CNTNAP2: variants seen among roughly 807,000 people sequenced by gnomAD.
The protein encoded by CNTNAP2 is contactin associated protein 2, also known as contactin-associated protein-like 2.
A neutral mutation model predicts 155.2 loss-of-function variants in CNTNAP2; 98 were observed. The ratio of observed to expected loss-of-function variants is 0.63; its 90% CI spans 0.54 to 0.75. CNTNAP2 has a LOEUF of 0.75. Among genes scored for constraint, CNTNAP2 ranks in the 30% least tolerant of loss-of-function variants. The pLI is 0.00. For synonymous variants in CNTNAP2, 651 were observed against 631.2 expected (o/e 1.03, Z -0.47); for missense variants, 1,727 against 1,688.1 (o/e 1.02, Z -0.40).
chr7:147,244,613 A>G (rs1295948057), intron 8 of CNTNAP2, among the ~76,000 whole-genome samples: 3 of 152,162 alleles, frequency 2.0e-5, no homozygotes, highest in South Asian at 4.1e-4. Flanking sequence ...ATCCACCAGG[A>G]ACTTACATTT....
intron 13 of CNTNAP2, among the ~76,000 whole-genome samples, chr7:147,831,340 G>A (rs777525192): frequency 5.1e-4 from 77 of 152,106 alleles, no homozygotes; most frequent in East Asian, 1.7e-3. Flanking sequence ...CCTTGAAAAC[G>A]CATACACTCT....
intron 13 of CNTNAP2, among the ~76,000 whole-genome samples, chr7:147,753,044 C>T (rs1261506850): frequency 6.6e-6 from 1 of 152,182 alleles, no homozygotes; most frequent in Admixed American, 6.5e-5. Context: ...TTTCTACTCT[C>T]TTATATACCT....
chr7:147,009,430 C>T (rs556053221), intron 3 of CNTNAP2, among the ~76,000 whole-genome samples: 185 of 152,272 alleles, frequency 1.2e-3, no homozygotes, highest in African/African-American at 4.2e-3. Context: ...CGACAGTTTT[C>T]ATCCAGACTT....
intron 13 of CNTNAP2, among the ~76,000 whole-genome samples, chr7:147,895,163 G>A (rs1369711579): frequency 2.0e-5 from 3 of 146,476 alleles, no homozygotes; most frequent in Non-Finnish European, 4.6e-5. Flanking sequence ...TAGTAGAAAC[G>A]GGGTTTCATC....
intron 8 of CNTNAP2, among the ~76,000 whole-genome samples, chr7:147,183,467 A>G (rs976639488): frequency 2.0e-5 from 3 of 152,170 alleles, no homozygotes; most frequent in African/African-American, 4.8e-5. Flanking sequence ...CAACCACTCC[A>G]TGACACAGAT....
chr7:147,265,816 A>C (rs1354877612), intron 8 of CNTNAP2, among the ~76,000 whole-genome samples: 2 of 152,140 alleles, frequency 1.3e-5, no homozygotes, highest in African/African-American at 4.8e-5. Flanking sequence ...GCAGGAAGCC[A>C]TCTTTGCCTC....
chr7:146,223,213 G>A (rs552662998), intron 1 of CNTNAP2, among the ~76,000 whole-genome samples: 1 of 152,310 alleles, frequency 6.6e-6, no homozygotes, highest in East Asian at 1.9e-4. Context: ...GGCAAGAGTT[G>A]AAACTAGCCA....
chr7:146,137,330 T>A (rs1414461449), intron 1 of CNTNAP2, among the ~76,000 whole-genome samples: 2 of 152,190 alleles, frequency 1.3e-5, no homozygotes, highest in Admixed American at 6.6e-5. Context: ...ATATATGCCT[T>A]TGGAGAAGTT....
intron 3 of CNTNAP2, among the ~76,000 whole-genome samples, chr7:147,035,097 GA>G (rs896407448): frequency 7.2e-5 from 11 of 152,062 alleles, no homozygotes; most frequent in Admixed American, 1.3e-4. Context: ...CTGGTGCTCA[GA>G]AAAAAAGTCC....
intron 15 of CNTNAP2, among the ~76,000 whole-genome samples, chr7:148,117,518 C>T (rs946907000): frequency 6.6e-6 from 1 of 152,210 alleles, no homozygotes; most frequent in Admixed American, 6.5e-5. Flanking sequence ...GGAGTGAGCA[C>T]TGGCTCTTCC....
intron 1 of CNTNAP2, among the ~76,000 whole-genome samples, chr7:146,642,385 A>C: frequency 7.3e-6 from 1 of 136,926 alleles, no homozygotes. Flanking sequence ...TTCAATTCCC[A>C]CCTATGAGTG....
chr7:146,184,563 T>C (rs118118219), intron 1 of CNTNAP2, among the ~76,000 whole-genome samples: 1,717 of 152,310 alleles, frequency 0.011, 15 homozygotes, highest in Non-Finnish European at 0.015. Flanking sequence ...TGTGTTCTGC[T>C]CTATTCTCTT....
At chr7:146,464,164 C>T (rs969888665) in intron 1 of CNTNAP2, among the ~76,000 whole-genome samples, 3 of 143,270 alleles carry the variant, frequency 2.1e-5, no homozygotes, top group African/African-American at 7.7e-5. Flanking sequence ...TTTTATTTTG[C>T]TCAATGTCTT....
Position 147,985,407 on chromosome 7 carries a change from C to CTTTT in CNTNAP2, c.2383+7434_2383+7437dup, listed in dbSNP as rs34093586. Among the ~76,000 whole-genome samples, 69 of 108,040 alleles carry CTTTT rather than the reference C, an allele frequency of 6.4e-4. 1 individual carries two copies. Among genetic ancestry groups the CTTTT allele is most frequent in the East Asian group, 2.1e-3 (7 of 3,396 alleles). The allele number at this position is 108,040 out of a possible 152,430, so 70.9% of individuals were successfully genotyped here. ...TCTTGGGAGTTGATTTATGTTTTTA[C>CTTTT]TTTTTTTTTTTTTTTTTTTGCGAAT... On this transcript the variant is annotated intron_variant, in intron 15 of 23. Coordinates refer to ENST00000361727, the MANE Select transcript of CNTNAP2 (RefSeq NM_014141.6).
intron 1 of CNTNAP2, among the ~76,000 whole-genome samples, chr7:146,653,793 C>T (rs1799953167): frequency 1.3e-5 from 2 of 152,044 alleles, no homozygotes; most frequent in African/African-American, 4.8e-5. Flanking sequence ...TCCTTAAATA[C>T]ATTTTTGGCT....
chr7:146,589,104 C>T (rs551246562), intron 1 of CNTNAP2, among the ~76,000 whole-genome samples: 110 of 152,230 alleles, frequency 7.2e-4, no homozygotes, highest in African/African-American at 2.5e-3. Flanking sequence ...TCACAAGTTC[C>T]CCCATTCCAT....
At chr7:146,547,005 G>C (rs1798039308) in intron 1 of CNTNAP2, among the ~76,000 whole-genome samples, 1 of 151,886 alleles carries the variant, frequency 6.6e-6, no homozygotes, top group African/African-American at 2.4e-5. Context: ...GAAGAAGAGA[G>C]GGAGACAGGC....
chr7:148,214,250 G>T (rs928905371), intron 18 of CNTNAP2, among the ~76,000 whole-genome samples: 4 of 152,206 alleles, frequency 2.6e-5, no homozygotes, highest in Non-Finnish European at 5.9e-5. Context: ...ACCCAGCATC[G>T]TGCCCAGGGT....
At chr7:147,777,413 A>G (rs915379283) in intron 13 of CNTNAP2, among the ~76,000 whole-genome samples, 5 of 152,194 alleles carry the variant, frequency 3.3e-5, no homozygotes, top group Admixed American at 6.5e-5. Context: ...GAGATCTTAT[A>G]TGATGTTCAC....
Sources: gnomAD v4.1 joint callset for allele counts (sites outside exome capture counted in the v4.1 genomes callset) on GRCh38, gnomAD v4.1.1 for gene constraint, MANE v1.5 for transcripts, NCBI Gene and HGNC (gene_info 2026-07-23, HGNC 2026-07-21) for gene names.